The following RP1 variants were observed in gnomAD, a reference collection of about 807,000 sequenced individuals.
RP1 encodes the protein RP1 axonemal microtubule associated, also known as oxygen-regulated protein 1.
In RP1, 16 loss-of-function variants were observed where a neutral mutation model predicts 14.8. The ratio of observed to expected loss-of-function variants is 1.08; its 90% CI spans 0.73 to 1.65. The LOEUF (loss-of-function observed/expected upper bound fraction) is 1.65, where lower values mean the gene tolerates loss of function less well. Among genes scored for constraint, RP1 ranks in the 40% most tolerant of loss-of-function variants. RP1 has a pLI of 0.00. For missense variants in RP1, 2,631 were observed against 2,535.0 expected (o/e 1.04, Z -0.81); for synonymous variants, 876 against 883.6 (o/e 0.99, Z 0.15).
At chr8:54,730,911 C>A (rs894000440) in intron 17 of RP1, among the ~76,000 whole-genome samples, 1 of 152,000 alleles carries the variant, frequency 6.6e-6, no homozygotes, top group Non-Finnish European at 1.5e-5. Flanking sequence ...TTATTTTTTG[C>A]AGATTATATG....
intron 1 of RP1, among the ~76,000 whole-genome samples, chr8:54,593,865 G>A (rs913831372): frequency 1.3e-5 from 2 of 152,238 alleles, no homozygotes; most frequent in Non-Finnish European, 2.9e-5. Flanking sequence ...CATCCCAGAG[G>A]AAAAGTGGAG....
intron 23 of RP1, among the ~76,000 whole-genome samples, chr8:54,780,596 C>T (rs1010267439): frequency 2.0e-5 from 3 of 152,138 alleles, no homozygotes; most frequent in Admixed American, 6.5e-5. Flanking sequence ...GTACTGAACA[C>T]GTACAGACTT....
At position 54,627,913 on chromosome 8, in the gene RP1, T is replaced by G. The variant is rs1296408050; in HGVS notation, c.4031T>G (p.Phe1344Cys). 3.1e-6 allele frequency: 5 copies of G among 1,614,174 alleles called. No individual in the cohort carries two copies. The highest frequency in any genetic ancestry group is 1.6e-4 in the Middle Eastern group (1 of 6,062). Residue 1344 changes from phenylalanine (F) to cysteine (C), a missense_variant, in exon 4 of 4, where the codon TTT (phenylalanine) becomes TGT (cysteine). Transcript: ENST00000220676. Reference protein sequence around the residue: ...VPVNVCNTIDFLNSKENTYTD... With the variant: ...VPVNVCNTIDCLNSKENTYTD... ...GTCAATGTCTGCAATACCATTGACT[T>G]TTTAAACTCCAAAGAAAACACATAT...
chr8:54,630,002 A>G lies in RP1; in HGVS notation c.6120A>G (p.Ser2040=), dbSNP rs566075184. The G allele has an allele frequency of 6.2e-7, 1 of 1,614,080 alleles. No homozygotes were observed. The highest frequency in any genetic ancestry group is 1.3e-5 in the African/African-American group (1 of 75,052). The change falls in exon 4 of 4, where the codon TCA becomes TCG. Residue 2040 remains serine (S), a synonymous_variant. Coordinates refer to ENST00000220676, the MANE Select transcript of RP1 (RefSeq NM_006269.2). ...TTTGTATGAATTTCTTGCACACATC[A>G]TTGTTAGTTGTGGGTAATGTGGATT... ...ERFCMNFLHT[S]LLVVGNVDSN... is the part of the protein sequence containing the mutation.
chr8:54,858,444 G>A (rs879310315), intron 27 of RP1, among the ~76,000 whole-genome samples: 1 of 152,060 alleles, frequency 6.6e-6, no homozygotes, highest in Admixed American at 6.6e-5. Context: ...TGATGCCACT[G>A]TGGAACATTG....
chr8:54,751,696 A>C (rs567883943), intron 19 of RP1, among the ~76,000 whole-genome samples: 17 of 152,360 alleles, frequency 1.1e-4, no homozygotes, highest in African/African-American at 4.1e-4. Context: ...GCCATTAGCT[A>C]TCATGTAACG....
chr8:54,595,381 A>G (rs1018214637), intron 1 of RP1, among the ~76,000 whole-genome samples: 1 of 152,126 alleles, frequency 6.6e-6, no homozygotes, highest in Non-Finnish European at 1.5e-5. Context: ...CGCCCGCCTC[A>G]GCCTCCCAAA....
Position 54,840,313 on chromosome 8 carries a change from C to G in RP1, c.3835+2644C>G, listed in dbSNP as rs145131911. Among the ~76,000 whole-genome samples, 763 of 151,910 alleles carry G rather than the reference C, an allele frequency of 5.0e-3. 3 individuals are homozygous for G. Among genetic ancestry groups the G allele is most frequent in the Non-Finnish European group, 7.6e-3 (516 of 67,954 alleles). ...TGTTGCCCAGGCTGGAGTGCAGTGG[C>G]ATGATCTCGGCTCACTGCAACATCT... On this transcript the variant is annotated intron_variant, in intron 25 of 28. Transcript: ENST00000637698.
intron 23 of RP1, among the ~76,000 whole-genome samples, chr8:54,779,530 T>C (rs997424556): frequency 6.6e-6 from 1 of 152,166 alleles, no homozygotes. Context: ...GTTAATTTTC[T>C]GAACTACAAA....
At chr8:54,690,347 A>T (rs9650311) in intron 12 of RP1, among the ~76,000 whole-genome samples, 45,450 of 151,954 alleles carry the variant, frequency 0.3, 8,314 homozygotes, top group Middle Eastern at 0.48. Context: ...AAAAAGGTTT[A>T]TTAGTGTATA....
chr8:54,590,446 A>C (rs1355160710), intron 1 of RP1, among the ~76,000 whole-genome samples: 1 of 152,022 alleles, frequency 6.6e-6, no homozygotes, highest in Non-Finnish European at 1.5e-5. Context: ...TTATATACCC[A>C]ATCAGGGGTG....
intron 23 of RP1, chr8:54,780,895 C>A (rs1810170105): frequency 1.0e-6 from 1 of 983,584 alleles, no homozygotes; most frequent in African/African-American, 1.7e-5. Flanking sequence ...CACGTGGTTG[C>A]ATGAGAATGG....
chr8:54,783,427 T>C (rs1013633116), intron 23 of RP1: 4 of 470,870 alleles, frequency 8.5e-6, no homozygotes, highest in Non-Finnish European at 1.4e-5. Context: ...ATTATTTTAG[T>C]ACTTGATTTC....
intron 25 of RP1, among the ~76,000 whole-genome samples, chr8:54,838,592 T>A (rs1454521014): frequency 6.6e-6 from 1 of 152,162 alleles, no homozygotes; most frequent in Admixed American, 6.5e-5. Flanking sequence ...TGTGCGTGAC[T>A]GAATGTATGC....
Position 54,624,664 on chromosome 8 carries a change from TTAAAG to T in RP1, c.788-2_790del, listed in dbSNP as rs779627969. ...TGGGCACCTTTTACTCTTAAAATCT[TTAAAG>T]TAAGCACACATATGTCTTCAAGCTC... On this transcript the variant is annotated splice_acceptor_variant and splice_polypyrimidine_tract_variant and intron_variant, in intron 3 of 3. Transcript: ENST00000220676. LOFTEE classifies it high-confidence loss of function. 1.2e-6 allele frequency: 2 copies of T among 1,613,576 alleles called. No individual in the cohort carries two copies. The highest frequency in any genetic ancestry group is 2.7e-5 in the African/African-American group (2 of 74,878).
intron 19 of RP1, among the ~76,000 whole-genome samples, chr8:54,745,512 C>T (rs752642844): frequency 6.6e-6 from 1 of 152,098 alleles, no homozygotes; most frequent in Non-Finnish European, 1.5e-5. Flanking sequence ...TGGTAATGTT[C>T]TCTTGTGAAA....
chr8:54,670,804 T>C (rs1231542318), intron 7 of RP1, among the ~76,000 whole-genome samples: 1 of 150,080 alleles, frequency 6.7e-6, no homozygotes, highest in East Asian at 2.0e-4. Context: ...TTGTCTGATA[T>C]AAATATGGCC....
intron 25 of RP1, among the ~76,000 whole-genome samples, chr8:54,840,080 T>TTTTTTTAATGG (rs1811754098): frequency 6.6e-6 from 1 of 152,156 alleles, no homozygotes. Context: ...CCTGCATGTC[T>TTTTTTTAATGG]CAGGACCTAT....
intron 27 of RP1, among the ~76,000 whole-genome samples, chr8:54,859,514 G>T (rs147206380): frequency 6.6e-6 from 1 of 151,352 alleles, no homozygotes; most frequent in Non-Finnish European, 1.5e-5. Flanking sequence ...AGTATAGGAG[G>T]AATCACTGTA....
Sources: allele counts gnomAD v4.1 joint callset (sites outside exome capture counted in the v4.1 genomes callset), GRCh38; gene constraint gnomAD v4.1.1; transcripts MANE v1.5; gene names NCBI Gene and HGNC (gene_info 2026-07-23, HGNC 2026-07-21).